Variants in CD247 observed in about 807,000 individuals in gnomAD.
CD247 encodes T-cell surface glycoprotein CD3 zeta chain.
A neutral mutation model predicts 30.0 loss-of-function variants in CD247; 13 were observed. That is an observed-to-expected ratio of 0.43 (90% confidence interval 0.28 to 0.69). CD247 has a LOEUF of 0.69. Among genes scored for constraint, CD247 ranks in the 30% least tolerant of loss-of-function variants. The pLI is 0.16. For synonymous variants in CD247, 72 were observed against 80.0 expected (o/e 0.90, Z 0.53); for missense variants, 193 against 212.6 (o/e 0.91, Z 0.57).
chr1:167,490,010 C>T (rs191319731), intron 1 of CD247, among the ~76,000 whole-genome samples: 1 of 152,114 alleles, frequency 6.6e-6, no homozygotes. Context: ...CCTGTGCCCC[C>T]CCACCACCCC....
intron 1 of CD247, chr1:167,458,511 A>G (rs1652820783): frequency 6.6e-6 from 1 of 152,294 alleles, no homozygotes; most frequent in African/African-American, 2.4e-5. Context: ...GGGCCAGCCA[A>G]CGGCTCACAA....
intron 1 of CD247, among the ~76,000 whole-genome samples, chr1:167,498,393 C>G (rs939810299): frequency 6.6e-6 from 1 of 152,196 alleles, no homozygotes; most frequent in African/African-American, 2.4e-5. Context: ...CTCAAGGGAG[C>G]TGAAGATGAG....
intron 1 of CD247, chr1:167,448,426 A>C: frequency 1.0e-6 from 1 of 985,382 alleles, no homozygotes; most frequent in East Asian, 1.1e-4. Context: ...TCGAACCATT[A>C]TAGCAGGTCA....
intron 1 of CD247, among the ~76,000 whole-genome samples, chr1:167,497,488 G>A (rs956091899): frequency 2.6e-5 from 4 of 152,092 alleles, no homozygotes; most frequent in African/African-American, 4.8e-5. Flanking sequence ...CTTAGTTCTC[G>A]TTTTCTTTAG....
intron 1 of CD247, among the ~76,000 whole-genome samples, chr1:167,483,998 C>T (rs1654088274): frequency 6.6e-6 from 1 of 152,210 alleles, no homozygotes; most frequent in Admixed American, 6.5e-5. Context: ...GCAAGTGTCC[C>T]ACTGCTCTGC....
intron 1 of CD247, among the ~76,000 whole-genome samples, chr1:167,516,426 T>C (rs1655607244): frequency 6.6e-6 from 1 of 152,238 alleles, no homozygotes; most frequent in Admixed American, 6.5e-5. Flanking sequence ...GAAATGCAAA[T>C]GCAACAGCTT....
At chr1:167,432,904 G>A in intron 7 of CD247, 120 bp downstream of exon 7, 1 of 1,085,822 alleles carries the variant, frequency 9.2e-7, no homozygotes, top group African/African-American at 1.5e-5. Context: ...GGTGCCTTGG[G>A]CTTGCCCTGC....
chr1:167,489,416 T>C (rs907475183), intron 1 of CD247, among the ~76,000 whole-genome samples: 1 of 152,206 alleles, frequency 6.6e-6, no homozygotes, highest in Non-Finnish European at 1.5e-5. Context: ...GACACTCTCA[T>C]TGAGATAGCA....
chr1:167,510,373 T>G (rs1030871535), intron 1 of CD247, among the ~76,000 whole-genome samples: 5 of 152,186 alleles, frequency 3.3e-5, no homozygotes, highest in Non-Finnish European at 7.3e-5. Context: ...CACAGACACC[T>G]GCAACCACCA....
intron 1 of CD247, among the ~76,000 whole-genome samples, chr1:167,485,945 A>C (rs1654189356): frequency 6.6e-6 from 1 of 152,068 alleles, no homozygotes; most frequent in Admixed American, 6.5e-5. Context: ...AAAGAAAACG[A>C]CTGGAGGCTG....
intron 1 of CD247, among the ~76,000 whole-genome samples, chr1:167,484,281 T>C (rs1202545884): frequency 6.6e-6 from 1 of 152,152 alleles, no homozygotes. Flanking sequence ...CTTCCTTCCC[T>C]CTGTTTCCTC....
chr1:167,512,744 CA>C (rs1489302380), intron 1 of CD247, among the ~76,000 whole-genome samples: 1 of 152,210 alleles, frequency 6.6e-6, no homozygotes, highest in Non-Finnish European at 1.5e-5. Flanking sequence ...CTCCACTCCA[CA>C]GTCCCCTGCG....
intron 1 of CD247, among the ~76,000 whole-genome samples, chr1:167,514,396 C>A (rs1655515748): frequency 1.3e-5 from 2 of 152,178 alleles, no homozygotes; most frequent in South Asian, 4.1e-4. Flanking sequence ...GTCTCGGCCT[C>A]CCAGAGTGCA....
At chr1:167,434,135 C>A (rs1038257468) in intron 5 of CD247, 59 bp from the exon 6 acceptor site, 1 of 1,501,700 alleles carries the variant, frequency 6.7e-7, no homozygotes, top group African/African-American at 1.4e-5. Context: ...GCAGCAGGTT[C>A]CCCTACAACA....
chr1:167,513,312 A>G (rs190883576), intron 1 of CD247, among the ~76,000 whole-genome samples: 2 of 117,830 alleles, frequency 1.7e-5, no homozygotes, highest in Admixed American at 1.6e-4. Flanking sequence ...AACTATAAAA[A>G]GATAGTAAAA....
intron 1 of CD247, among the ~76,000 whole-genome samples, chr1:167,468,935 C>G (rs893057323): frequency 6.6e-6 from 1 of 150,918 alleles, no homozygotes. Flanking sequence ...CATTCCCAAA[C>G]ATAGAGAAGA....
chr1:167,461,800 A>G (rs532336377), intron 1 of CD247, among the ~76,000 whole-genome samples: 28 of 152,080 alleles, frequency 1.8e-4, no homozygotes, highest in African/African-American at 6.0e-4. Context: ...GTGAGCCGAG[A>G]TCACGCCACT....
intron 1 of CD247, among the ~76,000 whole-genome samples, chr1:167,460,741 C>T (rs12076909): frequency 0.04 from 6,120 of 152,260 alleles, 410 homozygotes; most frequent in African/African-American, 0.14. Context: ...CTCCTCCAGC[C>T]CCCTGACCCC....
intron 2 of CD247, chr1:167,439,843 C>T (rs1571514404): frequency 5.5e-6 from 1 of 181,660 alleles, no homozygotes; most frequent in East Asian, 1.5e-4. Context: ...ACGTGCATCA[C>T]TCGCCCAGCC....
Sources: allele counts gnomAD v4.1 joint callset (sites outside exome capture counted in the v4.1 genomes callset), GRCh38; gene constraint gnomAD v4.1.1; transcripts MANE v1.5; gene names NCBI Gene and HGNC (gene_info 2026-07-23, HGNC 2026-07-21).